The following ZC3H15 variants were observed in gnomAD, a reference collection of about 807,000 sequenced individuals.
ZC3H15 encodes the protein zinc finger CCCH-type containing 15.
Under a neutral mutation model 51.2 loss-of-function variants are expected in ZC3H15, and 15 were observed. The observed-to-expected ratio is 0.29, with a 90% CI of 0.20 to 0.45. ZC3H15 has a LOEUF of 0.45. ZC3H15 is among the 20% of genes least tolerant of loss of function. The pLI is 1.00. For synonymous variants in ZC3H15, 144 were observed against 162.8 expected, an observed-to-expected ratio of 0.88 and a Z score of 0.88; for missense variants, 381 against 494.7, an observed-to-expected ratio of 0.77 and a Z score of 2.18.
rs1239021117 is a variant in ZC3H15 at position 186,501,429 on chromosome 2, A to G, written c.442+4A>G. 3.1e-6 allele frequency: 5 copies of G among 1,603,240 alleles called. No individual in the cohort carries two copies. Among genetic ancestry groups the G allele is most frequent in the Non-Finnish European group, 4.3e-6 (5 of 1,176,022 alleles). On this transcript the variant is annotated splice_donor_region_variant and intron_variant, in intron 4 of 9. Coordinates refer to ENST00000337859, the MANE Select transcript of ZC3H15 (RefSeq NM_018471.3). ...AGAGATGAAGAACTTGAAAAAGGTA[A>G]TTTTTTTAAAAACACTCTCTTAAAA...
intron 6 of ZC3H15, among the ~76,000 whole-genome samples, chr2:186,504,874 T>C (rs1685443612): frequency 6.6e-6 from 1 of 152,186 alleles, no homozygotes; most frequent in African/African-American, 2.4e-5. Context: ...CAGGTATATT[T>C]GAGATGGTTT....
chr2:186,496,415 G>A (rs562080280), intron 2 of ZC3H15, among the ~76,000 whole-genome samples: 2 of 152,174 alleles, frequency 1.3e-5, no homozygotes, highest in Admixed American at 6.5e-5. Context: ...ACGGGATTTC[G>A]CCGTGTCACC....
At chr2:186,503,438 G>A (rs1189253962) in intron 5 of ZC3H15, among the ~76,000 whole-genome samples, 4 of 152,116 alleles carry the variant, frequency 2.6e-5, no homozygotes, top group African/African-American at 7.2e-5. Context: ...GTGCAGTGGC[G>A]CAATCTTAGC....
intron 2 of ZC3H15, 58 bp downstream of exon 2, chr2:186,495,392 T>A: frequency 9.9e-7 from 1 of 1,011,092 alleles, no homozygotes; most frequent in Middle Eastern, 2.9e-4. Context: ...TAGCCTCTGT[T>A]TCAGATAAAA....
intron 9 of ZC3H15, chr2:186,507,270 G>A: frequency 2.6e-6 from 1 of 377,760 alleles, no homozygotes; most frequent in Non-Finnish European, 5.2e-6. Flanking sequence ...CAAGTAGGAT[G>A]AAAAAGAATA....
intron 5 of ZC3H15, 70 bp from the exon 6 acceptor site, chr2:186,503,962 T>C (rs1323631950): frequency 2.3e-6 from 3 of 1,299,180 alleles, no homozygotes; most frequent in African/African-American, 3.0e-5. Flanking sequence ...ACTTGTTCCA[T>C]ATACTCAGGC....
At chr2:186,501,140 C>A in intron 3 of ZC3H15, 133 bp from the exon 4 acceptor site, 1 of 812,960 alleles carries the variant, frequency 1.2e-6, no homozygotes, top group South Asian at 2.8e-5. Flanking sequence ...TTGCTAATCA[C>A]CCATAAGTGC....
At chr2:186,492,335 AAATTG>A (rs1685214302) in intron 1 of ZC3H15, among the ~76,000 whole-genome samples, 1 of 152,184 alleles carries the variant, frequency 6.6e-6, no homozygotes, top group Non-Finnish European at 1.5e-5. Context: ...ATCTTTCTTC[AAATTG>A]AATTGAGTGT....
At chr2:186,497,983 C>G (rs1389681731) in intron 2 of ZC3H15, among the ~76,000 whole-genome samples, 1 of 152,064 alleles carries the variant, frequency 6.6e-6, no homozygotes, top group African/African-American at 2.4e-5. Flanking sequence ...CTGCTGTCTC[C>G]CCTCAGGTAA....
At position 186,508,865 on chromosome 2, in the gene ZC3H15, A is replaced by C. The variant is rs1574429086; in HGVS notation, c.*132A>C. ...ATTCTGGAGGAGTTAACCTCCTGCA[A>C]AAAAGGCATCTTGTCCCTACATCTT... On this transcript the variant is annotated 3_prime_UTR_variant, in exon 10 of 10. Coordinates refer to ENST00000337859, the MANE Select transcript of ZC3H15 (RefSeq NM_018471.3). 3 of 951,410 alleles carry C rather than the reference A, an allele frequency of 3.2e-6. No homozygotes were observed. The highest frequency in any genetic ancestry group is 4.7e-6 in the Non-Finnish European group (3 of 641,222). The allele number at this position is 951,410 out of a possible 1,614,324, so 58.9% of individuals were successfully genotyped here.
intron 1 of ZC3H15, among the ~76,000 whole-genome samples, chr2:186,491,026 G>A (rs1685189128): frequency 6.6e-6 from 1 of 152,058 alleles, no homozygotes; most frequent in South Asian, 2.1e-4. Context: ...TTAATCTTTA[G>A]GTAGGGCTCT....
chr2:186,496,731 G>A (rs1685288275), intron 2 of ZC3H15, among the ~76,000 whole-genome samples: 1 of 152,152 alleles, frequency 6.6e-6, no homozygotes, highest in Non-Finnish European at 1.5e-5. Flanking sequence ...ATAGCCTATT[G>A]ATCCAAGGCT....
intron 1 of ZC3H15, among the ~76,000 whole-genome samples, chr2:186,493,083 C>A (rs1685224964): frequency 6.6e-6 from 1 of 150,646 alleles, no homozygotes; most frequent in Non-Finnish European, 1.5e-5. Context: ...AGGAGTGTGC[C>A]TGTAAGAAGC....
chr2:186,508,514 G>T, intron 9 of ZC3H15, 29 bp from the exon 10 acceptor site: 2 of 1,602,692 alleles, frequency 1.2e-6, no homozygotes, highest in Non-Finnish European at 1.7e-6. Context: ...CTGCTTCTAC[G>T]CCTTACTGAT....
intron 6 of ZC3H15, 127 bp downstream of exon 6, chr2:186,504,341 G>T: frequency 1.2e-6 from 1 of 801,124 alleles, no homozygotes; most frequent in Admixed American, 3.8e-5. Context: ...TATTCCCAAA[G>T]TTGCCCTACT....
chr2:186,500,646 C>T (rs889660551), intron 3 of ZC3H15: 3 of 478,564 alleles, frequency 6.3e-6, no homozygotes, highest in African/African-American at 5.9e-5. Flanking sequence ...CATGTATGTT[C>T]ATTTCTTTTT....
intron 6 of ZC3H15, 97 bp from the exon 7 acceptor site, chr2:186,505,354 T>G (rs1392287612): frequency 3.6e-6 from 5 of 1,389,354 alleles, no homozygotes; most frequent in Non-Finnish European, 4.8e-6. Flanking sequence ...TTCAGGATAG[T>G]CATGGGCAAG....
rs16823849 is a variant in ZC3H15 at position 186,487,753 on chromosome 2, T to C, written c.75+1296T>C. ...AACCAAGGACATTTTAGGGATGTCG[T>C]TTTCCTCGAGATTGGACCCTGATAC... is the stretch of plus-strand genomic sequence containing the variant. On this transcript the variant is annotated intron_variant, in intron 1 of 9. Transcript: ENST00000337859. Among the ~76,000 whole-genome samples, 511 of 152,340 alleles carry C rather than the reference T, an allele frequency of 3.4e-3. 2 individuals are homozygous for C. Among genetic ancestry groups the C allele is most frequent in the African/African-American group, 0.012 (490 of 41,570 alleles).
intron 1 of ZC3H15, among the ~76,000 whole-genome samples, chr2:186,487,985 T>C (rs1204477152): frequency 6.6e-6 from 1 of 152,184 alleles, no homozygotes; most frequent in Non-Finnish European, 1.5e-5. Context: ...ATTCTAGTCA[T>C]CTTGTGACGA....
Sources: gnomAD v4.1 joint callset for allele counts (sites outside exome capture counted in the v4.1 genomes callset) on GRCh38, gnomAD v4.1.1 for gene constraint, MANE v1.5 for transcripts, NCBI Gene and HGNC (gene_info 2026-07-23, HGNC 2026-07-21) for gene names.